Variants in RSAD2 observed in about 807,000 individuals in gnomAD.
RSAD2 encodes the protein S-adenosylmethionine-dependent nucleotide dehydratase RSAD2.
Under a neutral mutation model 37.7 loss-of-function variants are expected in RSAD2, and 38 were observed. That is an observed-to-expected ratio of 1.01 (90% CI 0.78 to 1.32). RSAD2 has a LOEUF of 1.32. RSAD2 is among the 40% of genes most tolerant of loss of function. The pLI is 0.00. For synonymous variants in RSAD2, 163 were observed against 157.4 expected, an observed-to-expected ratio of 1.04 and a Z score of -0.27; for missense variants, 428 against 437.5, an observed-to-expected ratio of 0.98 and a Z score of 0.19.
chr2:6,890,106 G>T (rs1663600289), intron 3 of RSAD2, 70 bp from the exon 4 acceptor site: 3 of 1,461,716 alleles, frequency 2.1e-6, no homozygotes, highest in Admixed American at 3.5e-5. Flanking sequence ...GCTTGAAAAG[G>T]GGGAGTGAGG....
chr2:6,894,424 T>G (rs974247254), intron 5 of RSAD2, among the ~76,000 whole-genome samples: 2 of 152,044 alleles, frequency 1.3e-5, no homozygotes, highest in African/African-American at 2.4e-5. Flanking sequence ...GATTTGTTTT[T>G]TGGAGAAATA....
chr2:6,867,777 G>A (rs905170038), intron 1 of RSAD2, among the ~76,000 whole-genome samples: 6 of 152,142 alleles, frequency 3.9e-5, no homozygotes, highest in African/African-American at 1.4e-4. Context: ...GCTAAATGAA[G>A]CATCTTACCT....
chr2:6,891,193 C>G (rs557675012), intron 4 of RSAD2, among the ~76,000 whole-genome samples: 10 of 151,382 alleles, frequency 6.6e-5, no homozygotes, highest in Non-Finnish European at 1.3e-4. Context: ...AGATAATTTA[C>G]AGAAAAAAAA....
intron 3 of RSAD2, among the ~76,000 whole-genome samples, chr2:6,889,409 G>A (rs1453076306): frequency 6.6e-6 from 1 of 152,178 alleles, no homozygotes; most frequent in Non-Finnish European, 1.5e-5. Context: ...GAGCAAAAAA[G>A]GCAACATGAA....
chr2:6,890,327 T>C lies in RSAD2; in HGVS notation c.888+2T>C. On this transcript the variant is annotated splice_donor_variant, in intron 4 of 5. Coordinates refer to ENST00000382040, the MANE Select transcript of RSAD2 (RefSeq NM_080657.5). LOFTEE classifies it high-confidence loss of function. ...TTGGTGCCTGAATCTAACCAGAAGG[T>C]TGTATAAAGCAAAAGTTGTTTTCTT... The C allele has an allele frequency of 1.2e-6, 2 of 1,613,528 alleles. No homozygotes were observed. The highest frequency in any genetic ancestry group is 1.7e-6 in the Non-Finnish European group (2 of 1,179,732).
intron 3 of RSAD2, 107 bp downstream of exon 3, chr2:6,887,271 C>T (rs967563301): frequency 1.2e-5 from 9 of 765,178 alleles, no homozygotes; most frequent in African/African-American, 3.5e-5. Context: ...CTCTGGACCT[C>T]GCAAGCCAGT....
At chr2:6,889,168 G>A (rs1572159494) in intron 3 of RSAD2, among the ~76,000 whole-genome samples, 1 of 152,286 alleles carries the variant, frequency 6.6e-6, no homozygotes, top group African/African-American at 2.4e-5. Flanking sequence ...TGATAGTCAA[G>A]TCTGCTCATG....
At chr2:6,885,840 G>A (rs888244504) in intron 2 of RSAD2, among the ~76,000 whole-genome samples, 4 of 152,180 alleles carry the variant, frequency 2.6e-5, no homozygotes, top group African/African-American at 9.7e-5. Flanking sequence ...TTCACAATGT[G>A]ATATGCCATT....
chr2:6,873,178 A>T (rs925712405), upstream of RSAD2, among the ~76,000 whole-genome samples: 2 of 152,174 alleles, frequency 1.3e-5, no homozygotes, highest in Non-Finnish European at 2.9e-5. Context: ...GAAGATCTAG[A>T]AAACCAAAGT....
At chr2:6,872,208 T>C (rs920610996) in intron 1 of RSAD2, among the ~76,000 whole-genome samples, 7 of 152,220 alleles carry the variant, frequency 4.6e-5, no homozygotes, top group African/African-American at 1.7e-4. Flanking sequence ...ATTCATTGCA[T>C]GTCTAGATCA....
chr2:6,873,779 T>C (rs1293916264), upstream of RSAD2, among the ~76,000 whole-genome samples: 1 of 152,202 alleles, frequency 6.6e-6, no homozygotes, highest in Non-Finnish European at 1.5e-5. Context: ...CTTGAAGAGA[T>C]ACTAAATGAT....
intron 4 of RSAD2, among the ~76,000 whole-genome samples, chr2:6,891,960 T>C (rs1663642906): frequency 6.6e-6 from 1 of 152,158 alleles, no homozygotes; most frequent in South Asian, 2.1e-4. Context: ...AAAAACAGTA[T>C]GCAAAATTAA....
chr2:6,886,813 G>C lies in RSAD2; in HGVS notation c.509-122G>C, dbSNP rs1418780378. ...AATTCATATCTCAATGAGTTTTGTG[G>C]GTATAAGGAAAAGTGTCTTTTTAAA... On this transcript the variant is annotated intron_variant, in intron 2 of 5. Coordinates refer to ENST00000382040, the MANE Select transcript of RSAD2 (RefSeq NM_080657.5). The C allele has an allele frequency of 4.5e-6, 3 of 666,706 alleles. No homozygotes were observed. The East Asian group carries it at 8.2e-5, about 18-fold the overall frequency. 41.3% of individuals were successfully genotyped at this position (666,706 alleles called of 1,614,324 possible).
chr2:6,892,879 G>A (rs558180080), intron 4 of RSAD2, among the ~76,000 whole-genome samples: 24 of 152,352 alleles, frequency 1.6e-4, no homozygotes, highest in African/African-American at 5.3e-4. Flanking sequence ...AAGACTTGAT[G>A]AGGGAAAACA....
chr2:6,890,557 G>A (rs1433457441), intron 4 of RSAD2, among the ~76,000 whole-genome samples: 1 of 152,166 alleles, frequency 6.6e-6, no homozygotes, highest in African/African-American at 2.4e-5. Flanking sequence ...GATGGATAGA[G>A]TGGTACTTTG....
rs774750307 is a variant in RSAD2 at position 6,895,885 on chromosome 2, T to G, written c.1029T>G (p.Phe343Leu). Residue 343 changes from phenylalanine to leucine, a missense_variant, in exon 6 of 6, where the codon TTT (phenylalanine) becomes TTG (leucine). Phe to Leu is a conservative substitution (Grantham distance 22, BLOSUM62 0). Transcript: ENST00000382040. ...IKFSGFDEKM[F>L]LKRGGKYIWS... ...TCAGTGGATTTGATGAAAAGATGTT[T>G]CTGAAGCGAGGAGGAAAATACATAT... The G allele has an allele frequency of 3.1e-6, 5 of 1,614,054 alleles. No homozygotes were observed. In the Admixed American group the frequency reaches 5.0e-5, roughly 16 times the overall value.
intron 1 of RSAD2, among the ~76,000 whole-genome samples, chr2:6,879,680 T>C (rs1663363001): frequency 6.6e-6 from 1 of 152,178 alleles, no homozygotes; most frequent in South Asian, 2.1e-4. Flanking sequence ...TTCAGTTTTT[T>C]TTTTTAATGT....
At chr2:6,890,954 A>G (rs951497984) in intron 4 of RSAD2, among the ~76,000 whole-genome samples, 2 of 152,160 alleles carry the variant, frequency 1.3e-5, no homozygotes, top group Non-Finnish European at 2.9e-5. Context: ...AAAAAAATCC[A>G]TTAATAAGGA....
chr2:6,889,949 A>G (rs1663597562), intron 3 of RSAD2, among the ~76,000 whole-genome samples: 1 of 152,212 alleles, frequency 6.6e-6, no homozygotes, highest in Admixed American at 6.5e-5. Context: ...CATAATCTAG[A>G]CAAGTTTTTG....
Sources: gnomAD v4.1 joint callset for allele counts (sites outside exome capture counted in the v4.1 genomes callset) on GRCh38, gnomAD v4.1.1 for gene constraint, MANE v1.5 for transcripts, NCBI Gene and HGNC (gene_info 2026-07-23, HGNC 2026-07-21) for gene names.